Variants in OR56A1 observed in about 807,000 individuals in gnomAD.
The protein encoded by OR56A1 is olfactory receptor family 56 subfamily A member 1.
For synonymous variants in OR56A1, 174 were observed against 159.1 expected, an observed-to-expected ratio of 1.09 and a Z score of -0.70; for missense variants, 360 against 380.9, an observed-to-expected ratio of 0.94 and a Z score of 0.46.
chr11:6,032,105 G>C (rs780786154), upstream of OR56A1, among the ~76,000 whole-genome samples: 1 of 152,130 alleles, frequency 6.6e-6, no homozygotes, highest in Non-Finnish European at 1.5e-5. Flanking sequence ...GGCCAAGAGA[G>C]ATTCATTTGA....
chr11:6,026,566 TCTTCCC>T lies in OR56A1; in HGVS notation c.*176_*181del. The T allele has an allele frequency of 1.9e-6, 1 of 538,142 alleles. No individual in the cohort carries two copies. The highest frequency in any genetic ancestry group is 1.9e-5 in the African/African-American group (1 of 53,112). 33.3% of individuals were successfully genotyped at this position (538,142 alleles called of 1,614,324 possible). ...AGCAGCCACTCAATAAATACGAGTT[TCTTCCC>T]CTTGCCTACCTCCACCTGAACTAGG... On this transcript the variant is annotated 3_prime_UTR_variant, in exon 2 of 2. Coordinates refer to ENST00000641900, the MANE Select transcript of OR56A1 (RefSeq NM_001388488.1).
At chr11:6,030,474 G>C (rs566894404) in intron 1 of OR56A1, among the ~76,000 whole-genome samples, 1 of 152,058 alleles carries the variant, frequency 6.6e-6, no homozygotes. Context: ...ATGAAAGGAA[G>C]GAAGGAAGGA....
Position 6,026,808 on chromosome 11 carries a change from A to G in OR56A1, c.885T>C (p.Tyr295=), listed in dbSNP as rs111987979. The part of the protein sequence containing the change: ...LIPPALNPIV[Y]GVRTKEIKQG... The stretch of plus-strand genomic sequence containing the variant: ...GTTTTATCTCTTTGGTCCGAACCCC[A>G]TACACAATAGGGTTCAATGCAGGAG... The change falls in exon 2 of 2, where the codon TAT becomes TAC. Residue 295 remains tyrosine, a synonymous_variant. Transcript: ENST00000641900. 28 of 1,613,872 alleles carry G rather than the reference A, an allele frequency of 1.7e-5. No homozygotes were observed. In the African/African-American group the frequency reaches 2.8e-4, roughly 16 times the overall value.
chr11:6,026,793 T>A lies in OR56A1; in HGVS notation c.900A>T (p.Lys300Asn). 2 of 1,611,208 alleles carry A rather than the reference T, an allele frequency of 1.2e-6. No individual in the cohort carries two copies. Among genetic ancestry groups the A allele is most frequent in the Non-Finnish European group, 8.5e-7 (1 of 1,178,818 alleles). Residue 300 changes from lysine to asparagine, a missense_variant, in exon 2 of 2, where the codon AAA becomes AAT. Coordinates refer to ENST00000641900, the MANE Select transcript of OR56A1 (RefSeq NM_001388488.1). The stretch of plus-strand genomic sequence containing the variant: ...ACTTCTGAATTCCCTGTTTTATCTC[T>A]TTGGTCCGAACCCCATACACAATAG... Reference protein sequence around the residue: ...LNPIVYGVRTKEIKQGIQKLL... With the variant: ...LNPIVYGVRTNEIKQGIQKLL...
In OR56A1 at chr11:6,019,374, A is replaced by G. The variant is rs1002245480; in HGVS notation, c.*7374T>C. 6.6e-6 allele frequency: 1 copy of G among 152,164 alleles called. No individual in the cohort carries two copies. The highest frequency in any genetic ancestry group is 1.5e-5 in the Non-Finnish European group (1 of 67,992). 9.4% of individuals were successfully genotyped at this position (152,164 alleles called of 1,614,324 possible). A position where few individuals can be genotyped will look rare whatever the true frequency, so the allele number is the denominator to read the frequency against. On this transcript the variant is annotated 3_prime_UTR_variant, in exon 2 of 2. Coordinates refer to ENST00000641900, the MANE Select transcript of OR56A1 (RefSeq NM_001388488.1). ...TGCAAAAATGGTTCAACGCATGCAA[A>G]TCAATAAATGTGATACATCATGTAT...
rs1848395606 is a variant in OR56A1, at chr11:6,021,484, T to C, written c.*5264A>G. The C allele has an allele frequency of 6.6e-6, 1 of 152,150 alleles. No individual in the cohort carries two copies. Among genetic ancestry groups the C allele is most frequent in the East Asian group, 1.9e-4 (1 of 5,202 alleles). The allele number at this position is 152,150 out of a possible 1,614,324, so 9.4% of individuals were successfully genotyped here. A position where few individuals can be genotyped will look rare whatever the true frequency, so the allele number is the denominator to read the frequency against. On this transcript the variant is annotated 3_prime_UTR_variant, in exon 2 of 2. Coordinates refer to ENST00000641900, the MANE Select transcript of OR56A1 (RefSeq NM_001388488.1). The stretch of plus-strand genomic sequence containing the variant: ...TGATCTGCTCACTACACGTTGTATG[T>C]AACTTCATAAATATGTATAATTATT...
Position 6,021,832 on chromosome 11 carries a change from T to G in OR56A1, c.*4916A>C, listed in dbSNP as rs892841723. On this transcript the variant is annotated 3_prime_UTR_variant, in exon 2 of 2. Coordinates refer to ENST00000641900, the MANE Select transcript of OR56A1 (RefSeq NM_001388488.1). ...TCTAGTCAAGAAACTTGTCCCCCTC[T>G]CAGTAAGTAAAAATATTGCAATATC... The G allele has an allele frequency of 6.6e-6, 1 of 152,088 alleles. No homozygotes were observed. The highest frequency in any genetic ancestry group is 2.4e-5 in the African/African-American group (1 of 41,422). The allele number at this position is 152,088 out of a possible 1,614,324, so 9.4% of individuals were successfully genotyped here. A position where few individuals can be genotyped will look rare whatever the true frequency, so the allele number is the denominator to read the frequency against.
rs1303261990 is a variant in OR56A1 at position 6,025,436 on chromosome 11, C to A, written c.*1312G>T. 1 of 152,208 alleles carries A rather than the reference C, an allele frequency of 6.6e-6. No homozygotes were observed. Among genetic ancestry groups the A allele is most frequent in the Non-Finnish European group, 1.5e-5 (1 of 68,052 alleles). 9.4% of individuals were successfully genotyped at this position (152,208 alleles called of 1,614,324 possible). ...GGACACTTGCTCTTTCTGTCTGTTCCTGTCTTGTCAGTATTCCTTAGCAGC... is the reference window on the plus strand; with the variant it reads ...GGACACTTGCTCTTTCTGTCTGTTCATGTCTTGTCAGTATTCCTTAGCAGC... On this transcript the variant is annotated 3_prime_UTR_variant, in exon 2 of 2. Transcript: ENST00000641900.
In OR56A1 at chr11:6,019,489, A is replaced by G. The variant is rs745369475; in HGVS notation, c.*7259T>C. ...GGTTTAATTGGACTTACAGTTCCAC[A>G]TGGCTGGGGAAGCCTCACAATCATG... On this transcript the variant is annotated 3_prime_UTR_variant, in exon 2 of 2. Coordinates refer to ENST00000641900, the MANE Select transcript of OR56A1 (RefSeq NM_001388488.1). 6.6e-6 allele frequency: 1 copy of G among 152,306 alleles called. No homozygotes were observed. Among genetic ancestry groups the G allele is most frequent in the Admixed American group, 6.5e-5 (1 of 15,284 alleles). The allele number at this position is 152,306 out of a possible 1,614,324, so 9.4% of individuals were successfully genotyped here. A position where few individuals can be genotyped will look rare whatever the true frequency, so the allele number is the denominator to read the frequency against.
upstream of OR56A1, among the ~76,000 whole-genome samples, chr11:6,032,360 TTATC>T (rs2133612031): frequency 6.6e-6 from 1 of 152,254 alleles, no homozygotes; most frequent in South Asian, 2.1e-4. Context: ...TTAATAAATT[TTATC>T]TGTAAACCTT....
At chr11:6,029,006 C>G (rs901078458) in intron 1 of OR56A1, among the ~76,000 whole-genome samples, 3 of 152,002 alleles carry the variant, frequency 2.0e-5, no homozygotes, top group Admixed American at 6.6e-5. Context: ...AACTGGAGGC[C>G]ATTATCTTAA....
In OR56A1 at chr11:6,027,320, G is replaced by A. The variant is rs150942884; in HGVS notation, c.373C>T (p.Arg125Cys). Residue 125 changes from arginine to cysteine, a missense_variant, in exon 2 of 2, where the codon CGT becomes TGT. By Grantham distance (180) the Arg-to-Cys change is radical. Transcript: ENST00000641900. ...SCTFMVMAYDRYVAICHPLRY... is the reference protein window; with the variant it reads ...SCTFMVMAYDCYVAICHPLRY... The stretch of plus-strand genomic sequence containing the variant: ...AGTGGGTGGCAGATGGCCACATAAC[G>A]GTCATAGGCCATGACCATAAACGTG... The A allele has an allele frequency of 1.5e-5, 24 of 1,614,102 alleles. No homozygotes were observed. Among genetic ancestry groups the A allele is most frequent in the South Asian group, 3.3e-5 (3 of 91,086 alleles).
rs1432087688 is a variant in OR56A1 at position 6,024,602 on chromosome 11, G to A, written c.*2146C>T. On this transcript the variant is annotated 3_prime_UTR_variant, in exon 2 of 2. Transcript: ENST00000641900. ...TTCCTTTTTAAAAACTCACTTTTAT[G>A]ATCACGTATAGAAGGCTCTTATGAA... 1 of 152,118 alleles carries A rather than the reference G, an allele frequency of 6.6e-6. No homozygotes were observed. The highest frequency in any genetic ancestry group is 1.5e-5 in the Non-Finnish European group (1 of 68,022). 9.4% of individuals were successfully genotyped at this position (152,118 alleles called of 1,614,324 possible).
chr11:6,021,749 T>C lies in OR56A1; in HGVS notation c.*4999A>G, dbSNP rs570267647. 2 of 151,828 alleles carry C rather than the reference T, an allele frequency of 1.3e-5. No individual in the cohort carries two copies. Among genetic ancestry groups the C allele is most frequent in the Admixed American group, 6.6e-5 (1 of 15,244 alleles). The allele number at this position is 151,828 out of a possible 1,614,324, so 9.4% of individuals were successfully genotyped here. A position where few individuals can be genotyped will look rare whatever the true frequency, so the allele number is the denominator to read the frequency against. On this transcript the variant is annotated 3_prime_UTR_variant, in exon 2 of 2. Transcript: ENST00000641900. ...GCATTAAAAAAACAATAAAAAGCAA[T>C]GATCAGGACATTGAAAACAATGATC...
chr11:6,024,441 C>G lies in OR56A1; in HGVS notation c.*2307G>C, dbSNP rs1848427251. 1 of 152,198 alleles carries G rather than the reference C, an allele frequency of 6.6e-6. No individual in the cohort carries two copies. Among genetic ancestry groups the G allele is most frequent in the Non-Finnish European group, 1.5e-5 (1 of 68,048 alleles). 9.4% of individuals were successfully genotyped at this position (152,198 alleles called of 1,614,324 possible). A position where few individuals can be genotyped will look rare whatever the true frequency, so the allele number is the denominator to read the frequency against. On this transcript the variant is annotated 3_prime_UTR_variant, in exon 2 of 2. Coordinates refer to ENST00000641900, the MANE Select transcript of OR56A1 (RefSeq NM_001388488.1). Reference sequence around the variant, plus strand: ...ACATAGACTCCTCTTTGAGTTCATTCTGGGCTTGCTTCCGGGTGAAATCAT... The same window carrying G: ...ACATAGACTCCTCTTTGAGTTCATTGTGGGCTTGCTTCCGGGTGAAATCAT...
chr11:6,020,650 C>T lies in OR56A1; in HGVS notation c.*6098G>A, dbSNP rs1290964386. 1 of 152,004 alleles carries T rather than the reference C, an allele frequency of 6.6e-6. No individual in the cohort carries two copies. Among genetic ancestry groups the T allele is most frequent in the Admixed American group, 6.6e-5 (1 of 15,234 alleles). The allele number at this position is 152,004 out of a possible 1,614,324, so 9.4% of individuals were successfully genotyped here. A position where few individuals can be genotyped will look rare whatever the true frequency, so the allele number is the denominator to read the frequency against. On this transcript the variant is annotated 3_prime_UTR_variant, in exon 2 of 2. Transcript: ENST00000641900. ...TGTAGGAATGCTAGTGATTTTTGTACATTAATTTTGTATCCTGCAACTTTA... is the reference window on the plus strand; with the variant it reads ...TGTAGGAATGCTAGTGATTTTTGTATATTAATTTTGTATCCTGCAACTTTA...
In OR56A1 at chr11:6,021,510, A is replaced by T. The variant is rs938809730; in HGVS notation, c.*5238T>A. 1 of 152,142 alleles carries T rather than the reference A, an allele frequency of 6.6e-6. No individual in the cohort carries two copies. The highest frequency in any genetic ancestry group is 1.5e-5 in the Non-Finnish European group (1 of 67,982). 9.4% of individuals were successfully genotyped at this position (152,142 alleles called of 1,614,324 possible). A position where few individuals can be genotyped will look rare whatever the true frequency, so the allele number is the denominator to read the frequency against. On this transcript the variant is annotated 3_prime_UTR_variant, in exon 2 of 2. Coordinates refer to ENST00000641900, the MANE Select transcript of OR56A1 (RefSeq NM_001388488.1). ...AACTTCATAAATATGTATAATTATT[A>T]TGTATCAATTTTAAAATGAATAATT...
chr11:6,027,711 A>C lies in OR56A1; in HGVS notation c.-19T>G. On this transcript the variant is annotated 5_prime_UTR_variant, in exon 2 of 2. Coordinates refer to ENST00000641900, the MANE Select transcript of OR56A1 (RefSeq NM_001388488.1). ...ACGCCATAGGCTGAATCATGAGCTG[A>C]GTAGGCTTCTGATGACTATGTTTAT... is the stretch of plus-strand genomic sequence containing the variant. 1.3e-6 allele frequency: 2 copies of C among 1,542,808 alleles called. No homozygotes were observed. Among genetic ancestry groups the C allele is most frequent in the Non-Finnish European group, 8.7e-7 (1 of 1,143,566 alleles).
At chr11:6,028,256 C>T (rs1848476957) in intron 1 of OR56A1, among the ~76,000 whole-genome samples, 1 of 151,594 alleles carries the variant, frequency 6.6e-6, no homozygotes, top group Admixed American at 6.6e-5. Flanking sequence ...CTATTCATTT[C>T]CCACAACCTG....
Sources: allele counts gnomAD v4.1 joint callset (sites outside exome capture counted in the v4.1 genomes callset), GRCh38; gene constraint gnomAD v4.1.1; transcripts MANE v1.5; gene names NCBI Gene and HGNC (gene_info 2026-07-23, HGNC 2026-07-21).